The following PARPBP variants were observed in gnomAD, a reference collection of about 807,000 sequenced individuals.
PARPBP encodes the protein PCNA-interacting partner.
A neutral mutation model predicts 50.0 loss-of-function variants in PARPBP; 52 were observed. The observed-to-expected ratio is 1.04, with a 90% confidence interval of 0.83 to 1.31. The LOEUF (loss-of-function observed/expected upper bound fraction) is 1.31, where lower values mean the gene tolerates loss of function less well. Among genes scored for constraint, PARPBP ranks in the 50% most tolerant of loss-of-function variants. The pLI is 0.00. For synonymous variants in PARPBP, 244 were observed against 232.1 expected (o/e 1.05, Z -0.47); for missense variants, 697 against 672.0 (o/e 1.04, Z -0.41).
intron 4 of PARPBP, among the ~76,000 whole-genome samples, chr12:102,156,693 G>A (rs866219300): frequency 5.3e-5 from 8 of 152,076 alleles, no homozygotes; most frequent in Non-Finnish European, 1.2e-4. Flanking sequence ...AGGCTGAAGT[G>A]CAGTGTGGCA....
chr12:102,133,591 A>T (rs542252943), intron 2 of PARPBP, among the ~76,000 whole-genome samples: 1 of 149,622 alleles, frequency 6.7e-6, no homozygotes, highest in South Asian at 2.1e-4. Context: ...TTGTCCTCTA[A>T]TTTTTTTTTT....
chr12:102,143,628 G>A (rs965510610), intron 2 of PARPBP, among the ~76,000 whole-genome samples: 4 of 152,154 alleles, frequency 2.6e-5, no homozygotes, highest in African/African-American at 4.8e-5. Context: ...TCCTAAAAAT[G>A]TAACCTTTAT....
chr12:102,152,794 C>CCGGGAGGCGGAGCTTGCAGTGAGCCGAG, intron 3 of PARPBP, among the ~76,000 whole-genome samples: 40 of 150,732 alleles, frequency 2.7e-4, no homozygotes, highest in African/African-American at 9.3e-4. Flanking sequence ...AAAGGGTTCC[C>CCGGGAGGCGGAGCTTGCAGTGAGCCGAG]AACCCTTTGG....
intron 5 of PARPBP, among the ~76,000 whole-genome samples, chr12:102,165,471 C>T (rs1888044846): frequency 1.3e-5 from 2 of 152,070 alleles, no homozygotes; most frequent in South Asian, 2.1e-4. Flanking sequence ...TACTTTAGCT[C>T]TTAATTTGTC....
chr12:102,170,903 TTC>T (rs1888627974), intron 6 of PARPBP, among the ~76,000 whole-genome samples: 1 of 144,014 alleles, frequency 6.9e-6, no homozygotes, highest in Non-Finnish European at 1.5e-5. Context: ...TGTTTAATTT[TTC>T]TTTTTTTTTT....
chr12:102,159,623 C>A (rs1048106665), intron 4 of PARPBP, among the ~76,000 whole-genome samples: 1 of 151,726 alleles, frequency 6.6e-6, no homozygotes, highest in Non-Finnish European at 1.5e-5. Context: ...AGGTACTAAA[C>A]CATTGCTTTT....
intron 3 of PARPBP, among the ~76,000 whole-genome samples, chr12:102,149,992 T>G (rs1193652188): frequency 6.6e-6 from 1 of 152,226 alleles, no homozygotes; most frequent in Non-Finnish European, 1.5e-5. Flanking sequence ...ATAATCTACC[T>G]GAGGTCTTTG....
intron 1 of PARPBP, among the ~76,000 whole-genome samples, chr12:102,121,480 T>C (rs1881068895): frequency 6.6e-6 from 1 of 151,856 alleles, no homozygotes; most frequent in African/African-American, 2.4e-5. Context: ...TACTGTTTGT[T>C]CCTTTAGAAA....
At chr12:102,194,752 C>A (rs558378760) in intron 9 of PARPBP, among the ~76,000 whole-genome samples, 1 of 151,756 alleles carries the variant, frequency 6.6e-6, no homozygotes, top group Non-Finnish European at 1.5e-5. Flanking sequence ...CCTAAATACT[C>A]GAGAAATAAT....
chr12:102,127,895 T>C (rs1350701262), intron 2 of PARPBP, among the ~76,000 whole-genome samples: 3 of 152,206 alleles, frequency 2.0e-5, no homozygotes, highest in African/African-American at 7.2e-5. Flanking sequence ...TAAAAAAAAT[T>C]AGTTTTTTAA....
intron 2 of PARPBP, among the ~76,000 whole-genome samples, chr12:102,143,495 A>G (rs1884941173): frequency 1.3e-5 from 2 of 152,080 alleles, no homozygotes; most frequent in African/African-American, 4.8e-5. Flanking sequence ...CCACTGTCTG[A>G]CAAGCCCCAA....
intron 5 of PARPBP, among the ~76,000 whole-genome samples, chr12:102,165,483 C>T (rs926599133): frequency 6.6e-6 from 1 of 152,038 alleles, no homozygotes; most frequent in African/African-American, 2.4e-5. Context: ...TAATTTGTCC[C>T]CTAACTCAGC....
chr12:102,133,640 GGTT>G (rs1883190456), intron 2 of PARPBP, among the ~76,000 whole-genome samples: 1 of 151,776 alleles, frequency 6.6e-6, no homozygotes, highest in African/African-American at 2.4e-5. Flanking sequence ...TCCGGGTCAT[GGTT>G]GTTTCATAAA....
At position 102,196,182 on chromosome 12, in the gene PARPBP, A is replaced by G. The variant is rs765303594; in HGVS notation, c.1631A>G (p.Gln544Arg). ...ATACCTAAGAAATCAAATGATTCACAGAATAGATTGTACGGCAAACTAGCT... is the reference window on the plus strand; with the variant it reads ...ATACCTAAGAAATCAAATGATTCACGGAATAGATTGTACGGCAAACTAGCT... ...AKIPKKSNDSQNRLYGKLAKV... is the reference protein window; with the variant it reads ...AKIPKKSNDSRNRLYGKLAKV... The change falls in exon 11 of 11, where the codon CAG becomes CGG. Residue 544 changes from glutamine (Q) to arginine (R), a missense_variant. Physicochemically the swap from Gln to Arg is conservative, Grantham distance 43. Coordinates refer to ENST00000327680, the MANE Select transcript of PARPBP (RefSeq NM_017915.5). 8.7e-6 allele frequency: 14 copies of G among 1,611,950 alleles called. No individual in the cohort carries two copies. The Admixed American group carries it at 1.7e-4, about 19-fold the overall frequency.
At chr12:102,187,786 T>A (rs1890429018) in intron 9 of PARPBP, among the ~76,000 whole-genome samples, 2 of 152,124 alleles carry the variant, frequency 1.3e-5, no homozygotes, top group South Asian at 4.1e-4. Context: ...AGACTTCTTT[T>A]TTTCATGAGG....
At position 102,132,395 on chromosome 12, in the gene PARPBP, A is replaced by G. The variant is rs187649022; in HGVS notation, c.153+8354A>G. ...GCAGGTAGATACCCAGTTGTCCAAC[A>G]TTTATTGATTAGACTGTTCTTTCCC... On this transcript the variant is annotated intron_variant, in intron 2 of 10. Transcript: ENST00000327680. 1.0e-3 allele frequency among the ~76,000 whole-genome samples: 159 copies of G among 152,276 alleles called. 1 individual carries two copies. The highest frequency in any genetic ancestry group is 3.7e-3 in the African/African-American group (154 of 41,560).
rs1890538430 is a variant in PARPBP, at chr12:102,188,815, A to C, written c.1263+6188A>C. ...TCAAAATATATGAAAAAAATGGAGA[A>C]TTCCAACAGAGATTTAGAATCGATG... On this transcript the variant is annotated intron_variant, in intron 9 of 10. Transcript: ENST00000327680. Among the ~76,000 whole-genome samples the C allele has an allele frequency of 2.0e-5, 3 of 152,136 alleles. No homozygotes were observed. In the South Asian group the frequency reaches 6.2e-4, roughly 31 times the overall value.
At chr12:102,164,242 G>C (rs1887891752) in intron 4 of PARPBP, among the ~76,000 whole-genome samples, 196 bp from the exon 5 acceptor site, 1 of 152,022 alleles carries the variant, frequency 6.6e-6, no homozygotes, top group African/African-American at 2.4e-5. Context: ...GCCAAATTTG[G>C]TAGTCAGTCA....
intron 6 of PARPBP, among the ~76,000 whole-genome samples, chr12:102,170,012 C>T (rs1743417622): frequency 6.6e-6 from 1 of 152,148 alleles, no homozygotes; most frequent in South Asian, 2.1e-4. Context: ...GTGGAATAGA[C>T]AGACTGGGAA....
Sources: allele counts gnomAD v4.1 joint callset (sites outside exome capture counted in the v4.1 genomes callset), GRCh38; gene constraint gnomAD v4.1.1; transcripts MANE v1.5; gene names NCBI Gene and HGNC (gene_info 2026-07-23, HGNC 2026-07-21).